Variants in DIP2C observed in about 807,000 individuals in gnomAD.
DIP2C encodes the protein disco-interacting protein 2 homolog C.
In DIP2C, 33 loss-of-function variants were observed where a neutral mutation model predicts 192.4. The ratio of observed to expected loss-of-function variants is 0.17; its 90% CI spans 0.13 to 0.23. DIP2C has a LOEUF of 0.23. Among genes scored for constraint, DIP2C ranks in the 10% least tolerant of loss-of-function variants. The pLI is 1.00. For missense variants in DIP2C, 1,537 were observed against 2,110.1 expected (o/e 0.73, Z 5.32); for synonymous variants, 979 against 864.1 (o/e 1.13, Z -2.33).
At chr10:333,246 G>GCATA (rs1297561489) in intron 29 of DIP2C, among the ~76,000 whole-genome samples, 1 of 152,080 alleles carries the variant, frequency 6.6e-6, no homozygotes, top group Non-Finnish European at 1.5e-5. Flanking sequence ...GGTATACTTT[G>GCATA]CATACCCTAA....
At chr10:302,846 A>G (rs565919025) in intron 32 of DIP2C, among the ~76,000 whole-genome samples, 1 of 152,348 alleles carries the variant, frequency 6.6e-6, no homozygotes, top group African/African-American at 2.4e-5. Flanking sequence ...TAGGACGGGA[A>G]GCTGCTCTGG....
chr10:471,636 G>A (rs74115013), intron 3 of DIP2C, among the ~76,000 whole-genome samples: 4,316 of 152,200 alleles, frequency 0.028, 228 homozygotes, highest in African/African-American at 0.098. Context: ...TACCCTCACC[G>A]GTGCCCTGGG....
At chr10:633,148 A>C (rs1854623737) in intron 1 of DIP2C, among the ~76,000 whole-genome samples, 1 of 152,286 alleles carries the variant, frequency 6.6e-6, no homozygotes, top group Non-Finnish European at 1.5e-5. Context: ...TCTTTTAGAA[A>C]AATGTTAATA....
At chr10:527,217 TATC>T (rs1439394126) in intron 1 of DIP2C, among the ~76,000 whole-genome samples, 3 of 152,224 alleles carry the variant, frequency 2.0e-5, no homozygotes, top group Non-Finnish European at 2.9e-5. Context: ...TGCAGCTGTT[TATC>T]ATCTCTGCAT....
intron 3 of DIP2C, among the ~76,000 whole-genome samples, chr10:447,918 CCT>C (rs1214149295): frequency 8.2e-6 from 1 of 121,492 alleles, no homozygotes; most frequent in Non-Finnish European, 1.6e-5. Context: ...CCCACTCATC[CCT>C]GTCTATACTC....
intron 1 of DIP2C, among the ~76,000 whole-genome samples, chr10:637,117 A>T (rs115655130): frequency 0.018 from 2,690 of 152,386 alleles, 80 homozygotes; most frequent in African/African-American, 0.061. Flanking sequence ...CCACCTGCGT[A>T]AGATGGTGAC....
intron 1 of DIP2C, among the ~76,000 whole-genome samples, chr10:554,879 C>CTG (rs58151824): frequency 0.28 from 42,435 of 151,946 alleles, 9,117 homozygotes; most frequent in African/African-American, 0.6. Context: ...GTGCCCGAGA[C>CTG]AGAGGATAGA....
At chr10:471,821 C>G (rs997263855) in intron 3 of DIP2C, among the ~76,000 whole-genome samples, 1 of 152,106 alleles carries the variant, frequency 6.6e-6, no homozygotes, top group Admixed American at 6.6e-5. Context: ...GGCGTGATCT[C>G]GGCTCACTGC....
chr10:370,240 G>A (rs775205716), intron 17 of DIP2C, among the ~76,000 whole-genome samples: 11 of 152,378 alleles, frequency 7.2e-5, no homozygotes, highest in African/African-American at 2.4e-4. Context: ...TGCATTGTGG[G>A]TCAGGAGAAG....
intron 1 of DIP2C, among the ~76,000 whole-genome samples, chr10:594,021 GGT>G (rs375094379): frequency 2.0e-3 from 309 of 152,274 alleles, no homozygotes; most frequent in African/African-American, 5.2e-3. Context: ...ACCAATTCAG[GGT>G]GTGTTCACCG....
At chr10:365,377 T>G (rs751200813) in intron 19 of DIP2C, among the ~76,000 whole-genome samples, 7 of 150,554 alleles carry the variant, frequency 4.6e-5, no homozygotes, top group Non-Finnish European at 7.4e-5. Flanking sequence ...TACACAAGAA[T>G]TTTTTTTTTA....
intron 1 of DIP2C, among the ~76,000 whole-genome samples, chr10:537,001 A>G (rs1428991814): frequency 2.0e-5 from 3 of 152,226 alleles, no homozygotes; most frequent in Non-Finnish European, 4.4e-5. Context: ...GGTGGGCATC[A>G]GTCATGAGGC....
chr10:376,555 GTC>G (rs969193373), intron 17 of DIP2C, among the ~76,000 whole-genome samples: 5 of 81,848 alleles, frequency 6.1e-5, no homozygotes, highest in Middle Eastern at 6.4e-3. Flanking sequence ...CCGAGGAAGT[GTC>G]TTTTTTTTTT....
chr10:311,643 C>G, intron 31 of DIP2C: 1 of 1,167,604 alleles, frequency 8.6e-7, no homozygotes, highest in Non-Finnish European at 1.1e-6. Context: ...ACAACACACA[C>G]AGACACATAC....
At chr10:610,143 CAG>C (rs1259744135) in intron 1 of DIP2C, among the ~76,000 whole-genome samples, 4 of 152,180 alleles carry the variant, frequency 2.6e-5, no homozygotes, top group Admixed American at 2.0e-4. Flanking sequence ...CTCCACCACA[CAG>C]AGGAGAGAGC....
intron 32 of DIP2C, among the ~76,000 whole-genome samples, chr10:289,759 A>C (rs1955384191): frequency 6.6e-6 from 1 of 152,146 alleles, no homozygotes. Flanking sequence ...GGCACGAGGG[A>C]GGCCACGGAG....
chr10:612,161 C>T (rs1281698065), intron 1 of DIP2C, among the ~76,000 whole-genome samples: 4 of 151,982 alleles, frequency 2.6e-5, no homozygotes, highest in East Asian at 1.9e-4. Context: ...GCCATGGTGA[C>T]GGGCACTTAT....
chr10:433,443 GA>G (rs1564706304), intron 4 of DIP2C, among the ~76,000 whole-genome samples: 2 of 152,032 alleles, frequency 1.3e-5, no homozygotes, highest in Non-Finnish European at 2.9e-5. Context: ...TTAGGAGGCC[GA>G]GGCAGGATGA....
chr10:679,650 C>A (rs540258785), intron 1 of DIP2C, among the ~76,000 whole-genome samples: 1 of 150,100 alleles, frequency 6.7e-6, no homozygotes, highest in South Asian at 2.1e-4. Context: ...CACCCGTGCT[C>A]CCCGCACTCG....
Sources: gnomAD v4.1 joint callset for allele counts (sites outside exome capture counted in the v4.1 genomes callset) on GRCh38, gnomAD v4.1.1 for gene constraint, MANE v1.5 for transcripts, NCBI Gene and HGNC (gene_info 2026-07-23, HGNC 2026-07-21) for gene names.